FRMD5: variants seen among roughly 807,000 people sequenced by gnomAD.
FRMD5 encodes the protein FERM domain containing 5, also known as FERM domain-containing protein 5.
A neutral mutation model predicts 69.0 loss-of-function variants in FRMD5; 20 were observed. The ratio of observed to expected loss-of-function variants is 0.29; its 90% CI spans 0.20 to 0.42. FRMD5 has a LOEUF of 0.42. Ranked by LOEUF, FRMD5 falls within the 10% of genes least tolerant of loss-of-function variation. The pLI is 1.00. For missense variants in FRMD5, 595 were observed against 708.6 expected (o/e 0.84, Z 1.82); for synonymous variants, 271 against 260.1 (o/e 1.04, Z -0.40).
intron 1 of FRMD5, among the ~76,000 whole-genome samples, chr15:43,964,008 T>C (rs2090250473): frequency 6.6e-6 from 1 of 151,774 alleles, no homozygotes; most frequent in African/African-American, 2.4e-5. Context: ...TATACATATA[T>C]AACAAACCTG....
intron 7 of FRMD5, among the ~76,000 whole-genome samples, chr15:43,900,488 T>A (rs1467574634): frequency 2.6e-5 from 4 of 152,154 alleles, no homozygotes; most frequent in African/African-American, 9.7e-5. Context: ...GTAGGGAAGA[T>A]GACCAGGGTT....
At chr15:44,179,220 A>C (rs2077954839) in intron 1 of FRMD5, among the ~76,000 whole-genome samples, 1 of 152,172 alleles carries the variant, frequency 6.6e-6, no homozygotes, top group African/African-American at 2.4e-5. Flanking sequence ...AACTGATTCC[A>C]AATATAATTA....
intron 7 of FRMD5, 141 bp downstream of exon 7, chr15:43,902,034 A>T (rs1199313991): frequency 1.5e-6 from 1 of 679,366 alleles, no homozygotes; most frequent in African/African-American, 1.8e-5. Context: ...TTTTCAAAGC[A>T]GGCATTTTCT....
intron 1 of FRMD5, among the ~76,000 whole-genome samples, chr15:43,927,794 C>T (rs1416683119): frequency 6.6e-6 from 1 of 151,370 alleles, no homozygotes; most frequent in African/African-American, 2.4e-5. Context: ...GTGAGTTTTA[C>T]GGGCTGAAGA....
intron 1 of FRMD5, among the ~76,000 whole-genome samples, chr15:44,132,103 G>A (rs904198026): frequency 2.0e-5 from 3 of 152,118 alleles, no homozygotes; most frequent in Admixed American, 6.6e-5. Context: ...TAAGGAGTGC[G>A]CAGCCTAGAT....
At chr15:43,960,179 C>G (rs2090175081) in intron 1 of FRMD5, among the ~76,000 whole-genome samples, 1 of 152,222 alleles carries the variant, frequency 6.6e-6, no homozygotes, top group South Asian at 2.1e-4. Context: ...AACTCCGCCT[C>G]TAGGGTTCAT....
At chr15:43,980,015 C>T (rs1011231984) in intron 1 of FRMD5, among the ~76,000 whole-genome samples, 4 of 152,178 alleles carry the variant, frequency 2.6e-5, no homozygotes, top group Non-Finnish European at 5.9e-5. Flanking sequence ...GACCAATGTG[C>T]TGCTCAGAAT....
At chr15:43,989,719 G>A (rs1010244986) in intron 1 of FRMD5, 35 of 995,684 alleles carry the variant, frequency 3.5e-5, no homozygotes, top group Middle Eastern at 4.3e-4. Context: ...CCCCGTCATC[G>A]TAGTCCATCA....
intron 1 of FRMD5, among the ~76,000 whole-genome samples, chr15:44,169,949 T>G (rs192309128): frequency 6.6e-6 from 1 of 152,342 alleles, no homozygotes; most frequent in East Asian, 1.9e-4. Context: ...TGCCTGTGTA[T>G]AGAACTACTA....
chr15:44,160,432 A>G (rs1388407206), intron 1 of FRMD5, among the ~76,000 whole-genome samples: 11 of 152,246 alleles, frequency 7.2e-5, no homozygotes, highest in Non-Finnish European at 1.0e-4. Context: ...AGAGGGACGG[A>G]TAAGTTGTAA....
intron 1 of FRMD5, among the ~76,000 whole-genome samples, chr15:44,139,505 G>GA (rs2077235331): frequency 6.6e-6 from 1 of 151,786 alleles, no homozygotes; most frequent in African/African-American, 2.4e-5. Flanking sequence ...AATAGACAGT[G>GA]AAAAATATAT....
At chr15:43,934,738 T>C (rs1198001025) in intron 1 of FRMD5, among the ~76,000 whole-genome samples, 1 of 152,202 alleles carries the variant, frequency 6.6e-6, no homozygotes, top group Admixed American at 6.5e-5. Context: ...AAAATGAGGA[T>C]CGTTGCAAGA....
At chr15:44,109,900 A>G (rs1311566587) in intron 1 of FRMD5, among the ~76,000 whole-genome samples, 1 of 152,210 alleles carries the variant, frequency 6.6e-6, no homozygotes, top group Non-Finnish European at 1.5e-5. Flanking sequence ...TTGAAATCAT[A>G]TAGTATACAA....
chr15:44,110,612 C>A (rs1595474735), intron 1 of FRMD5, among the ~76,000 whole-genome samples: 1 of 152,184 alleles, frequency 6.6e-6, no homozygotes, highest in South Asian at 2.1e-4. Flanking sequence ...CCTCTCTTAA[C>A]ACAGAAAAAG....
At chr15:43,965,754 T>G (rs1012373632) in intron 1 of FRMD5, among the ~76,000 whole-genome samples, 3 of 151,912 alleles carry the variant, frequency 2.0e-5, no homozygotes, top group African/African-American at 7.3e-5. Context: ...GCTAATTTTG[T>G]ACTTTTAGTA....
At chr15:44,023,025 GGAGAGGAGT>G (rs1891279338) in intron 1 of FRMD5, among the ~76,000 whole-genome samples, 1 of 152,122 alleles carries the variant, frequency 6.6e-6, no homozygotes, top group South Asian at 2.1e-4. Flanking sequence ...GAAATGTTGG[GGAGAGGAGT>G]GAGAGGAGCT....
Position 43,873,744 on chromosome 15 carries a change from T to G in FRMD5, c.*141A>C, listed in dbSNP as rs1338897475. On this transcript the variant is annotated 3_prime_UTR_variant, in exon 14 of 14. Coordinates refer to ENST00000417257, the MANE Select transcript of FRMD5 (RefSeq NM_032892.5). ...CCCTTTCTTCTTCTGGGAAACACCC[T>G]CCTAGGCTGCAGTGGACTTTGAGTC... 7.9e-6 allele frequency: 12 copies of G among 1,514,454 alleles called. No individual in the cohort carries two copies. In the South Asian group the frequency reaches 1.5e-4, roughly 19 times the overall value. 93.8% of individuals were successfully genotyped at this position (1,514,454 alleles called of 1,614,324 possible).
intron 1 of FRMD5, among the ~76,000 whole-genome samples, chr15:43,944,951 A>C (rs1595544858): frequency 7.5e-6 from 1 of 133,858 alleles, no homozygotes; most frequent in African/African-American, 3.5e-5. Flanking sequence ...AAGTTTATTT[A>C]TTTATTTTTT....
intron 1 of FRMD5, chr15:43,989,450 G>A: frequency 1.3e-6 from 1 of 797,470 alleles, no homozygotes; most frequent in Non-Finnish European, 2.3e-6. Flanking sequence ...TGATGACCTG[G>A]CCGTCGGGCA....
Sources: allele counts gnomAD v4.1 joint callset (sites outside exome capture counted in the v4.1 genomes callset), GRCh38; gene constraint gnomAD v4.1.1; transcripts MANE v1.5; gene names NCBI Gene and HGNC (gene_info 2026-07-23, HGNC 2026-07-21).